The following PRRC2B variants were observed in gnomAD, a reference collection of about 807,000 sequenced individuals.
PRRC2B encodes the protein protein PRRC2B.
A neutral mutation model predicts 242.3 loss-of-function variants in PRRC2B; 68 were observed. That is an observed-to-expected ratio of 0.28 (90% CI 0.23 to 0.34). PRRC2B has a LOEUF of 0.34. PRRC2B is among the 10% of genes least tolerant of loss of function. The pLI, the probability that PRRC2B is intolerant of heterozygous loss-of-function variation, is 1.00. For synonymous variants in PRRC2B, 1,228 were observed against 1,173.6 expected (o/e 1.05, Z -0.95); for missense variants, 2,835 against 2,954.8 (o/e 0.96, Z 0.94).
intron 14 of PRRC2B, among the ~76,000 whole-genome samples, chr9:131,473,164 G>A (rs188018451): frequency 6.6e-6 from 1 of 152,258 alleles, no homozygotes; most frequent in East Asian, 1.9e-4. Flanking sequence ...TGGCCCTTTT[G>A]GGTCTTTGTT....
At chr9:131,435,309 AAAG>A (rs1221465184) in intron 3 of PRRC2B, among the ~76,000 whole-genome samples, 3 of 149,678 alleles carry the variant, frequency 2.0e-5, no homozygotes, top group Non-Finnish European at 3.0e-5. Flanking sequence ...AAAAAAAAGA[AAAG>A]AAAAAAAAGT....
At chr9:131,462,217 ATTC>A (rs1943260962) in intron 11 of PRRC2B, among the ~76,000 whole-genome samples, 1 of 152,052 alleles carries the variant, frequency 6.6e-6, no homozygotes, top group African/African-American at 2.4e-5. Flanking sequence ...AATTTCTTTC[ATTC>A]TTTCTTTTTT....
At position 131,475,376 on chromosome 9, in the gene PRRC2B, G is replaced by A. The variant is rs757303078; in HGVS notation, c.3247G>A (p.Gly1083Arg). The change falls in exon 16 of 32, where the codon GGA becomes AGA. Residue 1083 changes from glycine to arginine, a missense_variant. Physicochemically the swap from Gly to Arg is moderately radical, Grantham distance 125. Transcript: ENST00000683519. The stretch of plus-strand genomic sequence containing the variant: ...CACTTTTCGTGGTCGGCCTGCTGGC[G>A]GAAATGGGAGCGGCCTCTGTGGTGG... ...EFTFRGRPAGGNGSGLCGGGV... is the reference protein window; with the variant it reads ...EFTFRGRPAGRNGSGLCGGGV... 19 of 1,586,954 alleles carry A rather than the reference G, an allele frequency of 1.2e-5. 1 individual carries two copies. The South Asian group carries it at 1.7e-4, about 14-fold the overall frequency.
intron 29 of PRRC2B, 84 bp from the exon 30 acceptor site, chr9:131,492,085 T>G (rs1944211806): frequency 1.8e-6 from 2 of 1,083,202 alleles, no homozygotes; most frequent in African/African-American, 3.1e-5. Flanking sequence ...CCTCACCACC[T>G]CTGCCCTGGG....
chr9:131,474,726 C>T lies in PRRC2B; in HGVS notation c.2597C>T (p.Pro866Leu), dbSNP rs1252489453. Residue 866 changes from proline to leucine, a missense_variant, in exon 16 of 32, where the codon CCA (proline) becomes CTA (leucine). Coordinates refer to ENST00000683519, the MANE Select transcript of PRRC2B (RefSeq NM_013318.4). ...EPDFVPDEKK[P>L]ECGSWDVSHQ... ...GACTTTGTCCCAGATGAGAAAAAGC[C>T]AGAGTGTGGCAGTTGGGATGTTAGC... 1 of 1,612,298 alleles carries T rather than the reference C, an allele frequency of 6.2e-7. No homozygotes were observed.
At chr9:131,495,476 C>T (rs756283779) in intron 31 of PRRC2B, among the ~76,000 whole-genome samples, 21 of 152,160 alleles carry the variant, frequency 1.4e-4, no homozygotes, top group Admixed American at 3.3e-4. Flanking sequence ...TGTGCCATCG[C>T]GGAATTCTTT....
At position 131,498,232 on chromosome 9, in the gene PRRC2B, C is replaced by T. The variant is rs1345006912; in HGVS notation, c.*2358C>T. Reference sequence around the variant, plus strand: ...ACCCCAAATAAAAAAACAAAAAACACTAGAATTTATTTATATGTATTGATG... The same window carrying T: ...ACCCCAAATAAAAAAACAAAAAACATTAGAATTTATTTATATGTATTGATG... On this transcript the variant is annotated 3_prime_UTR_variant, in exon 32 of 32. Transcript: ENST00000683519. 6.6e-6 allele frequency: 1 copy of T among 151,936 alleles called. No individual in the cohort carries two copies. The highest frequency in any genetic ancestry group is 1.5e-5 in the Non-Finnish European group (1 of 68,008). 9.4% of individuals were successfully genotyped at this position (151,936 alleles called of 1,614,324 possible).
At chr9:131,432,187 A>G (rs1231909901) in intron 2 of PRRC2B, among the ~76,000 whole-genome samples, 1 of 152,176 alleles carries the variant, frequency 6.6e-6, no homozygotes, top group African/African-American at 2.4e-5. Flanking sequence ...TGAAGACTTC[A>G]TGAATGTCGA....
chr9:131,374,760 CA>C (rs1456289983), intron 1 of PRRC2B, among the ~76,000 whole-genome samples: 1 of 152,114 alleles, frequency 6.6e-6, no homozygotes, highest in Non-Finnish European at 1.5e-5. Context: ...CTCCTGACCT[CA>C]GGTGATCTGC....
At chr9:131,443,921 G>A (rs772507860) in intron 5 of PRRC2B, among the ~76,000 whole-genome samples, 13 of 152,198 alleles carry the variant, frequency 8.5e-5, no homozygotes, top group Non-Finnish European at 1.0e-4. Context: ...GGCCTGGAGC[G>A]GCTGTGATGT....
chr9:131,378,087 G>A (rs1187128507), intron 1 of PRRC2B, among the ~76,000 whole-genome samples: 2 of 151,960 alleles, frequency 1.3e-5, no homozygotes, highest in African/African-American at 4.8e-5. Flanking sequence ...GAGGCAGGTG[G>A]ATCATGAGAT....
chr9:131,459,109 T>C (rs940459702), intron 10 of PRRC2B, 55 bp from the exon 11 acceptor site: 1 of 1,541,004 alleles, frequency 6.5e-7, no homozygotes, highest in Non-Finnish European at 8.9e-7. Context: ...ACCAGTGAGA[T>C]CAGAAATGCT....
In PRRC2B at chr9:131,412,059, G is replaced by C. The variant is rs370842981; in HGVS notation, c.-52+17796G>C. ...TCACCTCAAGCGATCCTCTCACTTC[G>C]GACTCTCAGAGTGTGGGGATTACAG... is the stretch of plus-strand genomic sequence containing the variant. On this transcript the variant is annotated intron_variant, in intron 1 of 31. Coordinates refer to ENST00000683519, the MANE Select transcript of PRRC2B (RefSeq NM_013318.4). Among the ~76,000 whole-genome samples, 9 of 151,838 alleles carry C rather than the reference G, an allele frequency of 5.9e-5. No homozygotes were observed. The South Asian group carries it at 1.7e-3, about 28-fold the overall frequency.
At chr9:131,468,932 A>G (rs1943466983) in intron 13 of PRRC2B, among the ~76,000 whole-genome samples, 1 of 152,198 alleles carries the variant, frequency 6.6e-6, no homozygotes, top group South Asian at 2.1e-4. Flanking sequence ...CTTGGGGTAT[A>G]GAATTACTGA....
intron 1 of PRRC2B, among the ~76,000 whole-genome samples, chr9:131,415,826 C>G (rs79555155): frequency 0.04 from 6,084 of 152,178 alleles, 376 homozygotes; most frequent in African/African-American, 0.13. Flanking sequence ...TCACATTGTA[C>G]TTTGTGTTCT....
chr9:131,401,644 C>T (rs1039901855), intron 1 of PRRC2B, among the ~76,000 whole-genome samples: 1 of 151,750 alleles, frequency 6.6e-6, no homozygotes, highest in Non-Finnish European at 1.5e-5. Context: ...AGCCACCGTG[C>T]CTGGCCTAGT....
intron 1 of PRRC2B, among the ~76,000 whole-genome samples, chr9:131,407,723 C>T (rs546724352): frequency 3.2e-4 from 48 of 152,124 alleles, no homozygotes; most frequent in Non-Finnish European, 6.3e-4. Context: ...TCCTTTGTCT[C>T]GGCTGAGTTG....
In PRRC2B at chr9:131,394,256, C is replaced by G. The variant is rs1336016931; in HGVS notation, c.-59C>G. The G allele has an allele frequency of 6.8e-6, 1 of 147,708 alleles. No homozygotes were observed. The highest frequency in any genetic ancestry group is 1.5e-5 in the Non-Finnish European group (1 of 66,010). 9.1% of individuals were successfully genotyped at this position (147,708 alleles called of 1,614,324 possible). On this transcript the variant is annotated 5_prime_UTR_variant, in exon 1 of 32. Coordinates refer to ENST00000683519, the MANE Select transcript of PRRC2B (RefSeq NM_013318.4). ...CCCGGCCCGGCCGCGCCCGCGGAAC[C>G]AGACCAGGTGGGTCGGGGCCGGGGC...
At chr9:131,485,212 C>T (rs1344230433) in intron 25 of PRRC2B, 72 bp downstream of exon 25, 25 of 1,243,174 alleles carry the variant, frequency 2.0e-5, no homozygotes, top group African/African-American at 3.0e-5. Flanking sequence ...TTAACAGCCC[C>T]GAATGTCACC....
Sources: gnomAD v4.1 joint callset for allele counts (sites outside exome capture counted in the v4.1 genomes callset) on GRCh38, gnomAD v4.1.1 for gene constraint, MANE v1.5 for transcripts, NCBI Gene and HGNC (gene_info 2026-07-23, HGNC 2026-07-21) for gene names.